The following NRXN1 variants were observed in gnomAD, a reference collection of about 807,000 sequenced individuals.
The protein encoded by NRXN1 is neurexin-1.
In NRXN1, 39 loss-of-function variants were observed where a neutral mutation model predicts 150.9. That is an observed-to-expected ratio of 0.26 (90% CI 0.20 to 0.34). The LOEUF (loss-of-function observed/expected upper bound fraction) is 0.34, where lower values mean the gene tolerates loss of function less well. NRXN1 is among the 10% of genes least tolerant of loss of function. NRXN1 has a pLI of 1.00. For missense variants in NRXN1, 1,815 were observed against 1,949.9 expected (o/e 0.93, Z 1.30); for synonymous variants, 924 against 757.0 (o/e 1.22, Z -3.62).
intron 18 of NRXN1, among the ~76,000 whole-genome samples, chr2:50,106,187 G>T (rs1039911381): frequency 6.7e-6 from 1 of 149,750 alleles, no homozygotes; most frequent in African/African-American, 2.4e-5. Flanking sequence ...TTAGTTGTTT[G>T]AAATCAACCT....
intron 21 of NRXN1, among the ~76,000 whole-genome samples, chr2:49,956,400 A>G (rs1163411088): frequency 6.6e-6 from 1 of 152,154 alleles, no homozygotes; most frequent in Non-Finnish European, 1.5e-5. Context: ...TTTTTGGAAA[A>G]TGTGACTGCT....
chr2:50,380,016 G>A (rs755779166), intron 17 of NRXN1, among the ~76,000 whole-genome samples: 1 of 152,010 alleles, frequency 6.6e-6, no homozygotes, highest in Non-Finnish European at 1.5e-5. Flanking sequence ...GAAATGGCTA[G>A]GATAATATCC....
chr2:50,480,671 C>T (rs1004394277), intron 15 of NRXN1, among the ~76,000 whole-genome samples: 1 of 152,124 alleles, frequency 6.6e-6, no homozygotes, highest in African/African-American at 2.4e-5. Flanking sequence ...TCAAAGACTC[C>T]TAAGGTTAGA....
At chr2:50,676,833 T>A (rs1689619616) in intron 5 of NRXN1, among the ~76,000 whole-genome samples, 1 of 152,184 alleles carries the variant, frequency 6.6e-6, no homozygotes, top group South Asian at 2.1e-4. Flanking sequence ...TAAGTCTCTG[T>A]TACAATTCAT....
At chr2:50,462,984 CT>C (rs1167330916) in intron 17 of NRXN1, among the ~76,000 whole-genome samples, 6 of 151,558 alleles carry the variant, frequency 4.0e-5, no homozygotes, top group African/African-American at 1.5e-4. Context: ...TTTCTATTTT[CT>C]TTTTTGTTTT....
chr2:50,023,501 G>C (rs1227985145), intron 21 of NRXN1: 1 of 151,958 alleles, frequency 6.6e-6, no homozygotes, highest in Non-Finnish European at 1.5e-5. Flanking sequence ...ACCTATGACA[G>C]CTTTGCAGTG....
At chr2:50,173,806 T>C (rs2060174512) in intron 18 of NRXN1, among the ~76,000 whole-genome samples, 1 of 152,144 alleles carries the variant, frequency 6.6e-6, no homozygotes, top group Non-Finnish European at 1.5e-5. Flanking sequence ...TAAATTAATG[T>C]TAAAAAAAGG....
chr2:50,704,639 T>C (rs1002833531), intron 5 of NRXN1, among the ~76,000 whole-genome samples: 2 of 151,726 alleles, frequency 1.3e-5, no homozygotes, highest in Non-Finnish European at 2.9e-5. Context: ...ATAATTTATA[T>C]GTGTAAATTT....
intron 17 of NRXN1, among the ~76,000 whole-genome samples, chr2:50,348,674 A>T (rs1023219357): frequency 1.3e-5 from 2 of 152,204 alleles, no homozygotes; most frequent in African/African-American, 4.8e-5. Context: ...AAAGACCAGC[A>T]AAGCCAGCAT....
Position 50,198,302 on chromosome 2 carries a change from A to G in NRXN1, c.3546+38487T>C, listed in dbSNP as rs146049718. ...AATAGGATCATTTAATAGTTCACTC[A>G]TTTCATAGGATGAGTGAGGCACCAG... On this transcript the variant is annotated intron_variant, in intron 18 of 22. Transcript: ENST00000401669. Among the ~76,000 whole-genome samples the G allele has an allele frequency of 7.1e-4, 108 of 152,246 alleles. 1 individual carries two copies. The highest frequency in any genetic ancestry group is 2.4e-3 in the African/African-American group (101 of 41,574).
chr2:50,598,484 G>A (rs906016691), intron 8 of NRXN1, among the ~76,000 whole-genome samples: 5 of 151,166 alleles, frequency 3.3e-5, no homozygotes, highest in African/African-American at 1.2e-4. Context: ...AATAGCATGT[G>A]TAAAATGCCC....
intron 5 of NRXN1, among the ~76,000 whole-genome samples, chr2:50,641,791 G>C (rs1019958720): frequency 6.6e-6 from 1 of 152,080 alleles, no homozygotes; most frequent in East Asian, 1.9e-4. Flanking sequence ...TGAATATTCA[G>C]TTATTCAGCA....
intron 21 of NRXN1, among the ~76,000 whole-genome samples, chr2:49,977,995 C>T (rs1679283795): frequency 1.3e-5 from 2 of 152,018 alleles, no homozygotes; most frequent in Non-Finnish European, 2.9e-5. Flanking sequence ...AACCCTGTCT[C>T]TACTAAAAAC....
At chr2:50,802,500 TGGAAGGAAGGA>T (rs1707738523) in intron 5 of NRXN1, among the ~76,000 whole-genome samples, 1 of 88,330 alleles carries the variant, frequency 1.1e-5, no homozygotes, top group African/African-American at 4.2e-5. Flanking sequence ...GAAAGAGAAA[TGGAAGGAAGGA>T]AGGAAGGAAG....
At chr2:50,410,983 T>A (rs2083108587) in intron 17 of NRXN1, among the ~76,000 whole-genome samples, 2 of 152,240 alleles carry the variant, frequency 1.3e-5, no homozygotes, top group African/African-American at 4.8e-5. Context: ...TTTCCTTTAA[T>A]GGAATCTGTG....
chr2:50,169,668 C>T (rs933627982), intron 18 of NRXN1, among the ~76,000 whole-genome samples: 4 of 143,606 alleles, frequency 2.8e-5, no homozygotes, highest in South Asian at 2.1e-4. Flanking sequence ...GCGGAGAATG[C>T]GCCACTGCAC....
chr2:50,364,893 C>T (rs1164749001), intron 17 of NRXN1, among the ~76,000 whole-genome samples: 3 of 152,100 alleles, frequency 2.0e-5, no homozygotes, highest in Admixed American at 6.6e-5. Context: ...TTTACATAAA[C>T]AGTCTCTAGG....
chr2:50,687,272 C>A (rs574757790), intron 5 of NRXN1, among the ~76,000 whole-genome samples: 1 of 152,236 alleles, frequency 6.6e-6, no homozygotes, highest in African/African-American at 2.4e-5. Context: ...AGCTTATGCC[C>A]ATTTAAACCT....
intron 8 of NRXN1, among the ~76,000 whole-genome samples, chr2:50,614,326 T>C (rs1678682205): frequency 6.6e-6 from 1 of 152,098 alleles, no homozygotes; most frequent in Non-Finnish European, 1.5e-5. Flanking sequence ...TGAAGATCTC[T>C]TTTTCCTCCA....
Sources: allele counts gnomAD v4.1 joint callset (sites outside exome capture counted in the v4.1 genomes callset), GRCh38; gene constraint gnomAD v4.1.1; transcripts MANE v1.5; gene names NCBI Gene and HGNC (gene_info 2026-07-23, HGNC 2026-07-21).